The following COL24A1 variants were observed in gnomAD, a reference collection of about 807,000 sequenced individuals.
COL24A1 encodes the protein collagen type XXIV alpha 1 chain.
COL24A1 carries 224 observed loss-of-function variants against 253.9 expected under a neutral mutation model. The observed-to-expected ratio is 0.88, with a 90% CI of 0.79 to 0.99. COL24A1 has a LOEUF of 0.99. Ranked by LOEUF, COL24A1 falls within the 50% of genes least tolerant of loss-of-function variation. COL24A1 has a pLI of 0.00. For synonymous variants in COL24A1, 685 were observed against 673.7 expected (o/e 1.02, Z -0.26); for missense variants, 2,131 against 2,068.5 (o/e 1.03, Z -0.59).
chr1:85,918,841 A>G (rs1686171224), intron 24 of COL24A1, among the ~76,000 whole-genome samples: 1 of 152,218 alleles, frequency 6.6e-6, no homozygotes, highest in Admixed American at 6.5e-5. Flanking sequence ...AAAAGAAAAA[A>G]TGGTATAGCA....
At chr1:86,086,876 T>A (rs186248969) in intron 7 of COL24A1, among the ~76,000 whole-genome samples, 3 of 152,316 alleles carry the variant, frequency 2.0e-5, no homozygotes, top group African/African-American at 7.2e-5. Context: ...TATACTTGTT[T>A]TTCAAAAATC....
intron 19 of COL24A1, among the ~76,000 whole-genome samples, chr1:86,003,343 G>A (rs944025131): frequency 3.9e-5 from 6 of 152,164 alleles, no homozygotes; most frequent in Non-Finnish European, 8.8e-5. Context: ...CTGGAGAAAT[G>A]TTATATACAG....
intron 19 of COL24A1, among the ~76,000 whole-genome samples, chr1:85,995,201 G>A (rs1405577074): frequency 1.3e-5 from 2 of 152,072 alleles, no homozygotes; most frequent in Non-Finnish European, 2.9e-5. Context: ...AATCAAGCTG[G>A]AGTACAGTGG....
intron 47 of COL24A1, among the ~76,000 whole-genome samples, chr1:85,808,056 A>C (rs185537850): frequency 5.9e-5 from 9 of 152,278 alleles, no homozygotes; most frequent in Non-Finnish European, 8.8e-5. Context: ...CCTAACTATA[A>C]AGGCTACTAC....
chr1:86,087,665 G>T (rs186932309), intron 7 of COL24A1, among the ~76,000 whole-genome samples: 79 of 152,234 alleles, frequency 5.2e-4, no homozygotes, highest in African/African-American at 1.8e-3. Flanking sequence ...ATCAACTAAA[G>T]TAATTGAGAT....
rs1206233387 is a variant in COL24A1, at chr1:85,832,673, ATT to A, written c.3681+5910_3681+5911del. Among the ~76,000 whole-genome samples the A allele has an allele frequency of 4.0e-5, 6 of 150,974 alleles. No homozygotes were observed. In the East Asian group the frequency reaches 1.2e-3, roughly 29 times the overall value. On this transcript the variant is annotated intron_variant, in intron 43 of 59. Coordinates refer to ENST00000370571, the MANE Select transcript of COL24A1 (RefSeq NM_152890.7). ...TGTAAGTTGGATTCCTAGGTATTTT[ATT>A]CTCTTTGAAGCAATTGTGAATGGGA...
chr1:85,842,348 C>T lies in COL24A1; in HGVS notation c.3508G>A (p.Gly1170Arg). ...MGPDGEPGIP[G>R]YRGHQGQPGP... ...CAATTATAAATACTTACCCTGTACC[C>T]TGGAATTCCTGGTTCTCCATCAGGT... Residue 1170 changes from glycine (G) to arginine (R), a missense_variant, in exon 40 of 60, where the codon GGG becomes AGG. Coordinates refer to ENST00000370571, the MANE Select transcript of COL24A1 (RefSeq NM_152890.7). 6.3e-7 allele frequency: 1 copy of T among 1,598,728 alleles called. No homozygotes were observed. The highest frequency in any genetic ancestry group is 2.2e-5 in the East Asian group (1 of 44,778).
chr1:85,837,229 T>A (rs10873725), intron 43 of COL24A1, among the ~76,000 whole-genome samples: 52,967 of 151,958 alleles, frequency 0.35, 10,104 homozygotes, highest in Non-Finnish European at 0.43. Flanking sequence ...ACAGAACACA[T>A]ATAACCTGCT....
In COL24A1 at chr1:85,895,887, G is replaced by A. The variant is rs554002514; in HGVS notation, c.2893C>T (p.Pro965Ser). 11 of 1,608,966 alleles carry A rather than the reference G, an allele frequency of 6.8e-6. No homozygotes were observed. The African/African-American group carries it at 1.1e-4, about 16-fold the overall frequency. ...PHGLIGKTGNPGERGFQGKPG... is the reference protein window; with the variant it reads ...PHGLIGKTGNSGERGFQGKPG... ...TTCCCTTGAAATCCTCTTTCTCCAG[G>A]GTTTCCAGTCTTACCCTACATGAGA... Residue 965 changes from proline to serine, a missense_variant, in exon 31 of 60, where the codon CCT becomes TCT. Pro to Ser is a moderately conservative substitution (Grantham distance 74). Coordinates refer to ENST00000370571, the MANE Select transcript of COL24A1 (RefSeq NM_152890.7).
intron 20 of COL24A1, among the ~76,000 whole-genome samples, chr1:85,985,315 A>C (rs969187332): frequency 3.3e-5 from 5 of 151,792 alleles, no homozygotes; most frequent in African/African-American, 1.2e-4. Context: ...TTGAGTAAGT[A>C]TGGCATGGTT....
In COL24A1 at chr1:86,070,699, G is replaced by A. The variant is rs140195844; in HGVS notation, c.1708-6940C>T. Among the ~76,000 whole-genome samples, 372 of 152,146 alleles carry A rather than the reference G, an allele frequency of 2.4e-3. 10 individuals are homozygous for A. The East Asian group carries it at 0.046, about 19-fold the overall frequency. On this transcript the variant is annotated intron_variant, in intron 7 of 59. Transcript: ENST00000370571. ...GGCATGACATATTTAAAGTGCTGAA[G>A]GAAAAAAACTTTTACCCTAGAATGG...
chr1:85,827,135 AG>A (rs1219767464), intron 43 of COL24A1, among the ~76,000 whole-genome samples: 6 of 152,142 alleles, frequency 3.9e-5, no homozygotes, highest in African/African-American at 1.4e-4. Context: ...TTTAGCATGA[AG>A]GGCTGTTGAA....
Position 85,980,361 on chromosome 1 carries a change from A to G in COL24A1, c.2364+7240T>C, listed in dbSNP as rs79040920. On this transcript the variant is annotated intron_variant, in intron 20 of 59. Coordinates refer to ENST00000370571, the MANE Select transcript of COL24A1 (RefSeq NM_152890.7). ...GAGCAATCAGACAAGAGAAAGAAAT[A>G]AAGAATCGGTAAAGAGGAAGTCAAA... Among the ~76,000 whole-genome samples, 24 of 152,258 alleles carry G rather than the reference A, an allele frequency of 1.6e-4. No individual in the cohort carries two copies. The East Asian group carries it at 2.1e-3, about 14-fold the overall frequency.
chr1:86,124,297 A>G (rs996108393), intron 3 of COL24A1, among the ~76,000 whole-genome samples: 1 of 151,958 alleles, frequency 6.6e-6, no homozygotes, highest in African/African-American at 2.4e-5. Context: ...TAATTAACCC[A>G]TAAACATAAA....
intron 20 of COL24A1, among the ~76,000 whole-genome samples, chr1:85,983,658 T>C (rs1289919064): frequency 1.3e-5 from 2 of 151,928 alleles, no homozygotes; most frequent in Non-Finnish European, 3.0e-5. Context: ...AAGACATGTA[T>C]ATAAAAATGA....
At chr1:85,972,982 T>C (rs1692324457) in intron 20 of COL24A1, among the ~76,000 whole-genome samples, 4 of 152,224 alleles carry the variant, frequency 2.6e-5, no homozygotes, top group Admixed American at 6.5e-5. Flanking sequence ...GAAGTTTTCA[T>C]ATATTTATGT....
intron 47 of COL24A1, among the ~76,000 whole-genome samples, chr1:85,814,447 T>C (rs138662364): frequency 0.015 from 2,306 of 152,298 alleles, 31 homozygotes; most frequent in Non-Finnish European, 0.024. Flanking sequence ...ATTACCTCAA[T>C]ATTGAAGAAA....
intron 22 of COL24A1, among the ~76,000 whole-genome samples, chr1:85,968,639 T>C (rs1360860668): frequency 6.6e-6 from 1 of 152,210 alleles, no homozygotes; most frequent in Non-Finnish European, 1.5e-5. Flanking sequence ...TTAGATTTTT[T>C]CTATGATATT....
Position 85,729,312 on chromosome 1 carries a change from A to C in COL24A1, c.*1234T>G, listed in dbSNP as rs1205113573. 6.6e-6 allele frequency: 1 copy of C among 152,186 alleles called. No individual in the cohort carries two copies. Among genetic ancestry groups the C allele is most frequent in the Non-Finnish European group, 1.5e-5 (1 of 68,028 alleles). The allele number at this position is 152,186 out of a possible 1,614,324, so 9.4% of individuals were successfully genotyped here. A position where few individuals can be genotyped will look rare whatever the true frequency, so the allele number is the denominator to read the frequency against. Reference sequence around the variant, plus strand: ...AAGATATATTTATAATGGATGAACAAGCTTTTCTAGATACCAAGAGGTATA... The same window carrying C: ...AAGATATATTTATAATGGATGAACACGCTTTTCTAGATACCAAGAGGTATA... On this transcript the variant is annotated 3_prime_UTR_variant, in exon 60 of 60. Transcript: ENST00000370571.
Sources: gnomAD v4.1 joint callset for allele counts (sites outside exome capture counted in the v4.1 genomes callset) on GRCh38, gnomAD v4.1.1 for gene constraint, MANE v1.5 for transcripts, NCBI Gene and HGNC (gene_info 2026-07-23, HGNC 2026-07-21) for gene names.